Variants in STAT6 observed in about 807,000 individuals in gnomAD.
STAT6 encodes STAT, interleukin4-induced.
A neutral mutation model predicts 106.3 loss-of-function variants in STAT6; 45 were observed. The ratio of observed to expected loss-of-function variants is 0.42; its 90% CI spans 0.33 to 0.54. The LOEUF (loss-of-function observed/expected upper bound fraction) is 0.54. Among genes scored for constraint, STAT6 ranks in the 20% least tolerant of loss-of-function variants. STAT6 has a pLI of 0.06. For missense variants in STAT6, 797 were observed against 1,062.2 expected, an observed-to-expected ratio of 0.75 and a Z score of 3.47; for synonymous variants, 413 against 413.6, an observed-to-expected ratio of 1.00 and a Z score of 0.02.
At chr12:57,106,126 G>A in intron 7 of STAT6, 65 bp downstream of exon 7, 1 of 1,604,090 alleles carries the variant, frequency 6.2e-7, no homozygotes, top group Non-Finnish European at 8.5e-7. Flanking sequence ...CACCTGTAGG[G>A]CCTTCAGCAG....
Position 57,099,773 on chromosome 12 carries a change from G to T in STAT6, c.1738C>A (p.Gln580Lys). Residue 580 changes from glutamine (Q) to lysine (K), a missense_variant, in exon 15 of 22, where the codon CAG (glutamine) becomes AAG (lysine). Gln to Lys is a moderately conservative substitution (Grantham distance 53). Around this residue, in one of 4 missense-constraint regions of STAT6, gnomAD observed 222 missense variants for 354.6 expected, o/e 0.63. Coordinates refer to ENST00000300134, the MANE Select transcript of STAT6 (RefSeq NM_003153.5). The surrounding 1 kb of genome is among the most constrained non-coding windows in gnomAD (Gnocchi z 4.7). ...GITIAHVIRG[Q>K]DGSPQIENIQ... ...CTGGCTGGGGTGGCCTCACCATCCT[G>T]GCCCCGGATGACATGGGCAATGGTG... 6.2e-7 allele frequency: 1 copy of T among 1,613,024 alleles called. No individual in the cohort carries two copies.
chr12:57,099,674 G>C lies in STAT6; in HGVS notation c.1744+93C>G, dbSNP rs1045669524. The C allele has an allele frequency of 6.5e-6, 10 of 1,542,106 alleles. No homozygotes were observed. The Admixed American group carries it at 1.8e-4, about 28-fold the overall frequency. ...GCTGGAAGAACTTCCTGAAGATCAGGATCGGCATCAGGAAGGTCAGGACAT... is the reference window on the plus strand; with the variant it reads ...GCTGGAAGAACTTCCTGAAGATCAGCATCGGCATCAGGAAGGTCAGGACAT... On this transcript the variant is annotated intron_variant, in intron 15 of 21. Coordinates refer to ENST00000300134, the MANE Select transcript of STAT6 (RefSeq NM_003153.5). The surrounding 1 kb of genome is among the most constrained non-coding windows in gnomAD (Gnocchi z 4.7).
At position 57,111,289 on chromosome 12, in the gene STAT6, TACAC is replaced by T. The variant is rs59118177; in HGVS notation, c.-186_-183del. The T allele has an allele frequency of 0.32, 47,136 of 145,576 alleles. 7,610 individuals carry two copies. The highest frequency in any genetic ancestry group is 0.39 in the Admixed American group (5,717 of 14,562). The allele number at this position is 145,576 out of a possible 1,614,324, so 9.0% of individuals were successfully genotyped here. The stretch of plus-strand genomic sequence containing the variant: ...AAATAAGATAAAGCACACACATACA[TACAC>T]ACACACACACACACACACACACACA... On this transcript the variant is annotated 5_prime_UTR_variant, in exon 1 of 22. Transcript: ENST00000300134.
chr12:57,109,134 G>A (rs1236263613), intron 1 of STAT6, among the ~76,000 whole-genome samples: 4 of 152,096 alleles, frequency 2.6e-5, no homozygotes, highest in African/African-American at 9.7e-5. Context: ...CCTGGGGGGC[G>A]GAGCTTGCAG....
chr12:57,098,588 C>T lies in STAT6; in HGVS notation c.2076G>A (p.Val692=), dbSNP rs565114056. The T allele has an allele frequency of 3.7e-6, 6 of 1,613,464 alleles. No individual in the cohort carries two copies. The African/African-American group carries it at 4.0e-5, about 11-fold the overall frequency. ...GGATGGAGTGAGAGTGTGGTGGGTA[C>T]ACCTGGGGCCTGGGGAAAGAAAACA... is the stretch of plus-strand genomic sequence containing the variant. ...MQLGPDMVPQ[V]YPPHSHSIPP... is the part of the protein sequence containing the mutation. The change falls in exon 19 of 22, where the codon GTG becomes GTA. Residue 692 remains valine (V), a synonymous_variant. Coordinates refer to ENST00000300134, the MANE Select transcript of STAT6 (RefSeq NM_003153.5).
Position 57,102,359 on chromosome 12 carries a change from G to A in STAT6, c.1443C>T (p.Ile481=), listed in dbSNP as rs1230994076. The A allele has an allele frequency of 6.2e-7, 1 of 1,614,066 alleles. No individual in the cohort carries two copies. The highest frequency in any genetic ancestry group is 1.7e-5 in the Admixed American group (1 of 60,010). ...CCATACTGAGGCTGTTGTCATTGAA[G>A]ATCTTCTGGGCCAGGAAGAGGAAGT... ...PEHFLFLAQK[I]FNDNSLSMEA... Residue 481 remains isoleucine (I), a synonymous_variant, in exon 13 of 22, where the codon ATC becomes ATT. Transcript: ENST00000300134.
chr12:57,106,294 C>T lies in STAT6; in HGVS notation c.577G>A (p.Ala193Thr). Reference sequence around the variant, plus strand: ...ATCCTCTTCAGCACTAGGGCTTTGGCTGCCTCTAGCTCTCCAGTGGTCTCC... The same window carrying T: ...ATCCTCTTCAGCACTAGGGCTTTGGTTGCCTCTAGCTCTCCAGTGGTCTCC... ...LQETTGELEA[A>T]KALVLKRIQI... Residue 193 changes from alanine (A) to threonine (T), a missense_variant, in exon 7 of 22, where the codon GCC becomes ACC. Ala to Thr is a moderately conservative substitution (Grantham distance 58). Around this residue, in one of 4 missense-constraint regions of STAT6, gnomAD observed 336 missense variants for 429.8 expected, o/e 0.78. Transcript: ENST00000300134. The T allele has an allele frequency of 3.1e-6, 5 of 1,614,270 alleles. No individual in the cohort carries two copies. The highest frequency in any genetic ancestry group is 4.2e-6 in the Non-Finnish European group (5 of 1,180,048).
rs181635293 is a variant in STAT6 at position 57,109,283 on chromosome 12, C to T, written c.-21-984G>A. On this transcript the variant is annotated intron_variant, in intron 1 of 21. Transcript: ENST00000300134. ...GATGAAGAGGATGGGAGAGTAATAA[C>T]AGCTACTATTTGTTAAGCACTTACT... is the stretch of plus-strand genomic sequence containing the variant. Among the ~76,000 whole-genome samples, 363 of 152,236 alleles carry T rather than the reference C, an allele frequency of 2.4e-3. 2 individuals carry two copies. Among genetic ancestry groups the T allele is most frequent in the Non-Finnish European group, 3.3e-3 (227 of 68,004 alleles).
In STAT6 at chr12:57,107,258, T is replaced by C. The variant is rs2034332509; in HGVS notation, c.312A>G (p.Gln104=). ...KLVATFRQIL[Q]GEKKAVMEQF... ...GTTCCATAACAGCTTTTTTCTCTCC[T>C]TGAAGTATTTGTCTGAAAGTGGCCA... Residue 104 remains glutamine (Q), a synonymous_variant, in exon 4 of 22, where the codon CAA becomes CAG. Transcript: ENST00000300134. 1 of 1,614,084 alleles carries C rather than the reference T, an allele frequency of 6.2e-7. No individual in the cohort carries two copies. Among genetic ancestry groups the C allele is most frequent in the African/African-American group, 1.3e-5 (1 of 74,930 alleles).
chr12:57,098,118 G>T (rs576409602), intron 19 of STAT6, among the ~76,000 whole-genome samples: 1 of 152,112 alleles, frequency 6.6e-6, no homozygotes, highest in South Asian at 2.1e-4. Flanking sequence ...GACAGAAAAT[G>T]CTCCTTCATT....
chr12:57,097,313 T>TG, intron 19 of STAT6, 180 bp from the exon 20 acceptor site: 2 of 447,988 alleles, frequency 4.5e-6, no homozygotes, highest in East Asian at 7.1e-5. Context: ...GTGCGTGTTA[T>TG]GGGGGTGGAT....
chr12:57,101,273 G>A (rs1246399428), intron 13 of STAT6, among the ~76,000 whole-genome samples: 1 of 151,926 alleles, frequency 6.6e-6, no homozygotes. Context: ...ATTTTTAGTA[G>A]AGACGGGGTT....
In STAT6 at chr12:57,107,671, G is replaced by A. The variant is rs777452521; in HGVS notation, c.189C>T (p.His63=). 6.2e-7 allele frequency: 1 copy of A among 1,614,114 alleles called. No homozygotes were observed. The highest frequency in any genetic ancestry group is 1.1e-5 in the South Asian group (1 of 91,078). Residue 63 remains histidine, a synonymous_variant, in exon 3 of 22, where the codon CAC becomes CAT. Transcript: ENST00000300134. ...ASALLSDTVQ[H]LQASVGEQGE... ...CCTGCTCTCCCACCGAGGCCTGAAG[G>A]TGCTGGACAGTGTCTGAAAGTAGGG...
chr12:57,099,909 C>A lies in STAT6; in HGVS notation c.1608-6G>T, dbSNP rs368586445. ...TGATGAAGCCAATGATCAGCCTGGC[C>A]GGGATGAAGGAGAGGATGGGGCATG... On this transcript the variant is annotated splice_region_variant and splice_polypyrimidine_tract_variant and intron_variant, in intron 14 of 21. Coordinates refer to ENST00000300134, the MANE Select transcript of STAT6 (RefSeq NM_003153.5). This position sits in a 1 kb window ranked among gnomAD's most constrained non-coding sequence, Gnocchi z 4.7. The A allele has an allele frequency of 1.9e-6, 3 of 1,614,078 alleles. No homozygotes were observed. The highest frequency in any genetic ancestry group is 2.5e-6 in the Non-Finnish European group (3 of 1,180,020).
rs776010749 is a variant in STAT6 at position 57,099,276 on chromosome 12, C to A, written c.1891+18G>T. On this transcript the variant is annotated intron_variant, in intron 16 of 21. Transcript: ENST00000300134. This position sits in a 1 kb window ranked among gnomAD's most constrained non-coding sequence, Gnocchi z 4.7. Reference sequence around the variant, plus strand: ...AGTGGGTGACAGGAAGGAATCAGAGCTGCCAGTTCCAGCTCACGCTTGTAG... The same window carrying A: ...AGTGGGTGACAGGAAGGAATCAGAGATGCCAGTTCCAGCTCACGCTTGTAG... The A allele has an allele frequency of 1.2e-6, 2 of 1,613,940 alleles. No individual in the cohort carries two copies. The highest frequency in any genetic ancestry group is 4.5e-5 in the East Asian group (2 of 44,884).
At position 57,099,159 on chromosome 12, in the gene STAT6, T is replaced by C; in HGVS notation, c.1892-81A>G. 1.3e-6 allele frequency: 2 copies of C among 1,599,420 alleles called. No individual in the cohort carries two copies. The highest frequency in any genetic ancestry group is 1.7e-6 in the Non-Finnish European group (2 of 1,168,286). On this transcript the variant is annotated intron_variant, in intron 16 of 21. Coordinates refer to ENST00000300134, the MANE Select transcript of STAT6 (RefSeq NM_003153.5). The surrounding 1 kb of genome is among the most constrained non-coding windows in gnomAD (Gnocchi z 4.7). ...AGGTGGAAAAGGTGGGCATGGATCA[T>C]GGGGAAGTAAGAGAAGCACAGCTAT...
intron 8 of STAT6, 39 bp downstream of exon 8, chr12:57,105,429 G>A: frequency 2.5e-6 from 4 of 1,611,260 alleles, no homozygotes; most frequent in Non-Finnish European, 3.4e-6. Flanking sequence ...TTCTTCCCGA[G>A]GTCTGTTCTA....
Position 57,107,839 on chromosome 12 carries a change from C to T in STAT6, c.117-96G>A, listed in dbSNP as rs780139814. 91 of 1,527,944 alleles carry T rather than the reference C, an allele frequency of 6.0e-5. No homozygotes were observed. The East Asian group carries it at 8.6e-4, about 14-fold the overall frequency. The allele number at this position is 1,527,944 out of a possible 1,614,324, so 94.6% of individuals were successfully genotyped here. ...GCCAAAAGCTCAGCAGTTCCTTTCT[C>T]GCTCCTTATTCTCCATCTAGGCCCT... On this transcript the variant is annotated intron_variant, in intron 2 of 21. Transcript: ENST00000300134.
intron 6 of STAT6, 52 bp downstream of exon 6, chr12:57,106,476 T>A (rs2136610863): frequency 6.2e-7 from 1 of 1,611,428 alleles, no homozygotes; most frequent in Non-Finnish European, 8.5e-7. Flanking sequence ...CTAGCTTCCA[T>A]CCCTCCAGCT....
Sources: gnomAD v4.1 joint callset for allele counts (sites outside exome capture counted in the v4.1 genomes callset) on GRCh38, gnomAD v4.1.1 for gene constraint, gnomAD v4.1.1 regional missense constraint, Gnocchi (gnomAD v3.1) non-coding constraint, MANE v1.5 for transcripts, NCBI Gene and HGNC (gene_info 2026-07-23, HGNC 2026-07-21) for gene names.